The following SMR3B variants were observed in gnomAD, a reference collection of about 807,000 sequenced individuals.
SMR3B encodes submaxillary gland androgen regulated protein 3B, also known as submaxillary gland androgen-regulated protein 3B.
For synonymous variants in SMR3B, 42 were observed against 36.1 expected, an observed-to-expected ratio of 1.16 and a Z score of -0.59; for missense variants, 114 against 99.9, an observed-to-expected ratio of 1.14 and a Z score of -0.60.
intron 2 of SMR3B, among the ~76,000 whole-genome samples, chr4:70,385,398 GTTTTTTTTTTTT>G (rs71210170): frequency 1.9e-5 from 2 of 107,056 alleles, no homozygotes; most frequent in East Asian, 2.8e-4. Flanking sequence ...CATCTACTTT[GTTTTTTTTTTTT>G]TTTTTTTTTT....
chr4:70,384,831 GT>G (rs1732631101), intron 2 of SMR3B: 1 of 433,982 alleles, frequency 2.3e-6, no homozygotes, highest in South Asian at 4.3e-5. Flanking sequence ...CCATACTCTA[GT>G]CAGTTACACA....
At chr4:70,386,964 T>C (rs1732677175) in intron 2 of SMR3B, among the ~76,000 whole-genome samples, 1 of 152,148 alleles carries the variant, frequency 6.6e-6, no homozygotes, top group Non-Finnish European at 1.5e-5. Context: ...ATGAGGCCAG[T>C]TCTACAGAAG....
At chr4:70,384,921 G>C (rs1732632915) in intron 2 of SMR3B, 1 of 178,268 alleles carries the variant, frequency 5.6e-6, no homozygotes, top group Non-Finnish European at 1.2e-5. Flanking sequence ...ATTTACACCA[G>C]AGTCACCTAA....
chr4:70,386,813 C>T (rs1732674497), intron 2 of SMR3B, among the ~76,000 whole-genome samples: 1 of 152,010 alleles, frequency 6.6e-6, no homozygotes, highest in South Asian at 2.1e-4. Context: ...GAGTATTTTC[C>T]CACACTAAGG....
intron 1 of SMR3B, among the ~76,000 whole-genome samples, chr4:70,383,434 G>GGGAT (rs1411521152): frequency 6.6e-6 from 1 of 151,964 alleles, no homozygotes; most frequent in African/African-American, 2.4e-5. Context: ...TTGGGCATTT[G>GGGAT]GGCCAATCGG....
At chr4:70,386,548 ATAAAG>A (rs146386587) in intron 2 of SMR3B, among the ~76,000 whole-genome samples, 2,214 of 152,248 alleles carry the variant, frequency 0.015, 55 homozygotes, top group African/African-American at 0.051. Context: ...CTGTTCCTAA[ATAAAG>A]TAATGTAGGA....
intron 2 of SMR3B, 148 bp downstream of exon 2, chr4:70,384,712 A>G (rs1577875968): frequency 6.9e-7 from 1 of 1,446,734 alleles, no homozygotes; most frequent in East Asian, 2.5e-5. Flanking sequence ...TTAAATTTAA[A>G]TTTAAAATCT....
chr4:70,387,428 G>C (rs1351099552), intron 2 of SMR3B, among the ~76,000 whole-genome samples: 1 of 152,048 alleles, frequency 6.6e-6, no homozygotes, highest in Non-Finnish European at 1.5e-5. Flanking sequence ...GGGGGAGAAG[G>C]GTGAGTGGAA....
intron 1 of SMR3B, among the ~76,000 whole-genome samples, chr4:70,384,145 A>G (rs1732612793): frequency 6.6e-6 from 1 of 152,258 alleles, no homozygotes; most frequent in East Asian, 1.9e-4. Flanking sequence ...AAATATCAAA[A>G]TGTTCAAATG....
At chr4:70,387,709 TG>T in intron 2 of SMR3B, among the ~76,000 whole-genome samples, 1 of 151,920 alleles carries the variant, frequency 6.6e-6, no homozygotes. Flanking sequence ...GCCAGTTTGG[TG>T]GGGGTAAATG....
intron 2 of SMR3B, chr4:70,385,090 T>G (rs1256755748): frequency 1.3e-5 from 2 of 152,336 alleles, no homozygotes; most frequent in African/African-American, 4.8e-5. Flanking sequence ...AGCTACTTTG[T>G]ATACAAAACC....
At chr4:70,389,554 G>A in intron 2 of SMR3B, 109 bp from the exon 3 acceptor site, 1 of 1,130,194 alleles carries the variant, frequency 8.8e-7, no homozygotes, top group Non-Finnish European at 1.3e-6. Context: ...CCAGCAGGGA[G>A]TAGAAATCTT....
chr4:70,389,454 G>T (rs1200311914), intron 2 of SMR3B, among the ~76,000 whole-genome samples: 2 of 152,066 alleles, frequency 1.3e-5, no homozygotes, highest in South Asian at 2.1e-4. Flanking sequence ...AACATTTACT[G>T]CAGCTTCAAA....
At chr4:70,388,049 C>G (rs1052223090) in intron 2 of SMR3B, among the ~76,000 whole-genome samples, 9 of 152,164 alleles carry the variant, frequency 5.9e-5, no homozygotes, top group African/African-American at 2.2e-4. Flanking sequence ...ACCATCTGCT[C>G]CAAGCAACCT....
rs769338737 is a variant in SMR3B at position 70,389,801 on chromosome 4, G to A, written c.193G>A (p.Ala65Thr). ...GPGRIPPPPP[A>T]PYGPGIFPPP... is the part of the protein sequence containing the mutation. ...AGGGAGAATCCCACCTCCTCCTCCC[G>A]CACCCTATGGTCCAGGGATATTTCC... Residue 65 changes from alanine (A) to threonine (T), a missense_variant, in exon 3 of 3, where the codon GCA becomes ACA. Ala to Thr is a moderately conservative substitution (Grantham distance 58). Coordinates refer to ENST00000304915, the MANE Select transcript of SMR3B (RefSeq NM_006685.4). 78 of 1,612,644 alleles carry A rather than the reference G, an allele frequency of 4.8e-5. No homozygotes were observed. Among genetic ancestry groups the A allele is most frequent in the South Asian group, 6.6e-5 (6 of 90,996 alleles).
chr4:70,384,351 C>G (rs954722613), intron 1 of SMR3B, 146 bp from the exon 2 acceptor site: 12 of 1,378,920 alleles, frequency 8.7e-6, no homozygotes, highest in Non-Finnish European at 1.1e-5. Flanking sequence ...CACAGTAATA[C>G]TGAATTCAAA....
chr4:70,386,049 G>A (rs1291684986), intron 2 of SMR3B, among the ~76,000 whole-genome samples: 1 of 151,718 alleles, frequency 6.6e-6, no homozygotes, highest in Non-Finnish European at 1.5e-5. Flanking sequence ...TGAGGCAGGT[G>A]GTAACTTGAG....
chr4:70,384,705 A>C, intron 2 of SMR3B, 141 bp downstream of exon 2: 1 of 1,454,956 alleles, frequency 6.9e-7, no homozygotes, highest in Non-Finnish European at 9.2e-7. Flanking sequence ...TTAGGGCTTA[A>C]ATTTAAATTT....
In SMR3B at chr4:70,390,150, T is replaced by C; in HGVS notation, c.*302T>C. 1.5e-6 allele frequency: 1 copy of C among 669,552 alleles called. No homozygotes were observed. The highest frequency in any genetic ancestry group is 2.7e-6 in the Non-Finnish European group (1 of 373,820). 41.5% of individuals were successfully genotyped at this position (669,552 alleles called of 1,614,324 possible). A position where few individuals can be genotyped will look rare whatever the true frequency, so the allele number is the denominator to read the frequency against. ...TGAAAAATTCCAAAAGTGCTGAGCT[T>C]TGGGGAGAAATAATCTTAGAAAGAA... On this transcript the variant is annotated 3_prime_UTR_variant, in exon 3 of 3. Coordinates refer to ENST00000304915, the MANE Select transcript of SMR3B (RefSeq NM_006685.4).
Sources: gnomAD v4.1 joint callset for allele counts (sites outside exome capture counted in the v4.1 genomes callset) on GRCh38, gnomAD v4.1.1 for gene constraint, MANE v1.5 for transcripts, NCBI Gene and HGNC (gene_info 2026-07-23, HGNC 2026-07-21) for gene names.